The following CAMK1D variants were observed in gnomAD, a reference collection of about 807,000 sequenced individuals.
CAMK1D encodes the protein calcium/calmodulin dependent protein kinase ID.
A neutral mutation model predicts 47.7 loss-of-function variants in CAMK1D; 9 were observed. The ratio of observed to expected loss-of-function variants is 0.19; its 90% CI spans 0.11 to 0.33. The LOEUF (loss-of-function observed/expected upper bound fraction) is 0.33. Ranked by LOEUF, CAMK1D falls within the 10% of genes least tolerant of loss-of-function variation. The probability of loss-of-function intolerance (pLI) is 1.00; values close to 1 mark genes in which losing one functional copy is unlikely to be tolerated. For missense variants in CAMK1D, 291 were observed against 488.7 expected (o/e 0.60, Z 3.81); for synonymous variants, 184 against 184.9 (o/e 0.99, Z 0.04).
intron 1 of CAMK1D, among the ~76,000 whole-genome samples, chr10:12,543,248 C>T (rs1465968459): frequency 6.6e-6 from 1 of 152,030 alleles, no homozygotes; most frequent in Non-Finnish European, 1.5e-5. Flanking sequence ...CGGGTTTATG[C>T]ATGGTGGCCA....
intron 1 of CAMK1D, among the ~76,000 whole-genome samples, chr10:12,358,720 G>C (rs1211521237): frequency 6.6e-6 from 1 of 152,138 alleles, no homozygotes; most frequent in Non-Finnish European, 1.5e-5. Context: ...ATCTCTCTGA[G>C]TTTAAGAGGG....
chr10:12,491,651 G>A (rs553700721), intron 1 of CAMK1D, among the ~76,000 whole-genome samples: 48 of 152,102 alleles, frequency 3.2e-4, no homozygotes, highest in South Asian at 2.7e-3. Flanking sequence ...CAGTATCGCC[G>A]AGAGGATGAA....
chr10:12,688,685 TATTTTTTA>T (rs1348490200), intron 3 of CAMK1D, among the ~76,000 whole-genome samples: 1 of 152,176 alleles, frequency 6.6e-6, no homozygotes, highest in African/African-American at 2.4e-5. Flanking sequence ...TTTTATTTTT[TATTTTTTA>T]TTTTTTTTGT....
At chr10:12,405,473 G>A (rs778622274) in intron 1 of CAMK1D, among the ~76,000 whole-genome samples, 5 of 152,232 alleles carry the variant, frequency 3.3e-5, no homozygotes, top group African/African-American at 4.8e-5. Context: ...AGAAAACTCC[G>A]CTGTTTGCTT....
intron 1 of CAMK1D, among the ~76,000 whole-genome samples, chr10:12,439,119 G>A (rs1221105284): frequency 6.6e-6 from 1 of 152,186 alleles, no homozygotes; most frequent in Non-Finnish European, 1.5e-5. Flanking sequence ...GTCTACCAGG[G>A]CCTATTATCC....
chr10:12,694,075 A>T (rs191740959), intron 3 of CAMK1D, among the ~76,000 whole-genome samples: 2,084 of 30,844 alleles, frequency 0.068, 123 homozygotes, highest in Non-Finnish European at 0.091. Context: ...ATATATAAAA[A>T]ATATTATGTA....
At position 12,702,827 on chromosome 10, in the gene CAMK1D, C is replaced by T. The variant is rs139039949; in HGVS notation, c.299+36017C>T. Among the ~76,000 whole-genome samples the T allele has an allele frequency of 7.7e-4, 117 of 152,336 alleles. 1 individual carries two copies. The East Asian group carries it at 0.011, about 15-fold the overall frequency. Reference sequence around the variant, plus strand: ...AGGGGCACATTGTCCCATTTTGGTACTTCCTGAAGATTCCACAGTGTGCTT... The same window carrying T: ...AGGGGCACATTGTCCCATTTTGGTATTTCCTGAAGATTCCACAGTGTGCTT... On this transcript the variant is annotated intron_variant, in intron 3 of 10. Coordinates refer to ENST00000619168, the MANE Select transcript of CAMK1D (RefSeq NM_153498.4).
chr10:12,772,219 G>A lies in CAMK1D; in HGVS notation c.565+2420G>A, dbSNP rs78445191. 2.4e-4 allele frequency among the ~76,000 whole-genome samples: 36 copies of A among 152,162 alleles called. No individual in the cohort carries two copies. In the East Asian group the frequency reaches 6.8e-3, roughly 29 times the overall value. On this transcript the variant is annotated intron_variant, in intron 5 of 10. Coordinates refer to ENST00000619168, the MANE Select transcript of CAMK1D (RefSeq NM_153498.4). ...TATATTCATGGAATTTCTCCAGCTC[G>A]ATCTGAGCCATCAGGGAAGCCGTGA... is the stretch of plus-strand genomic sequence containing the variant.
At chr10:12,697,590 G>C (rs1833347911) in intron 3 of CAMK1D, among the ~76,000 whole-genome samples, 1 of 152,130 alleles carries the variant, frequency 6.6e-6, no homozygotes, top group Non-Finnish European at 1.5e-5. Flanking sequence ...GTAGAGACAG[G>C]GTTTCACCAT....
intron 5 of CAMK1D, among the ~76,000 whole-genome samples, chr10:12,781,289 G>A (rs1321503916): frequency 3.9e-5 from 6 of 152,340 alleles, no homozygotes; most frequent in Admixed American, 6.5e-5. Context: ...CAGAGTAGGC[G>A]TCACGCCGTG....
chr10:12,562,475 C>G (rs2768352), intron 2 of CAMK1D, among the ~76,000 whole-genome samples: 45,706 of 152,044 alleles, frequency 0.3, 6,848 homozygotes, highest in Middle Eastern at 0.43. Context: ...AAATGCCTGT[C>G]TGATAGTCAC....
chr10:12,374,420 C>T (rs1051992125), intron 1 of CAMK1D, among the ~76,000 whole-genome samples: 4 of 152,104 alleles, frequency 2.6e-5, no homozygotes, highest in Non-Finnish European at 4.4e-5. Context: ...AACACGGTAC[C>T]GTGTCCTACA....
chr10:12,790,212 T>C (rs780979559), intron 5 of CAMK1D, among the ~76,000 whole-genome samples: 1 of 152,238 alleles, frequency 6.6e-6, no homozygotes, highest in African/African-American at 2.4e-5. Context: ...TGAATTGCAG[T>C]TTTTCTGTTT....
In CAMK1D at chr10:12,571,305, C is replaced by T. The variant is rs967018246; in HGVS notation, c.224+17949C>T. On this transcript the variant is annotated intron_variant, in intron 2 of 10. Coordinates refer to ENST00000619168, the MANE Select transcript of CAMK1D (RefSeq NM_153498.4). ...TATGAGGAAAATACAAAAAATCAGC[C>T]GGGCATGGTGGCGCGTGCCTGTAAT... Among the ~76,000 whole-genome samples the T allele has an allele frequency of 4.0e-5, 6 of 151,682 alleles. 1 individual carries two copies. The highest frequency in any genetic ancestry group is 3.4e-3 in the Middle Eastern group (1 of 294).
At chr10:12,676,570 C>T (rs776792760) in intron 3 of CAMK1D, among the ~76,000 whole-genome samples, 1 of 152,168 alleles carries the variant, frequency 6.6e-6, no homozygotes, top group Non-Finnish European at 1.5e-5. Flanking sequence ...TATCTCTTTA[C>T]TCATTTAGTC....
chr10:12,643,881 C>A (rs1265340987), intron 2 of CAMK1D, among the ~76,000 whole-genome samples: 6 of 137,738 alleles, frequency 4.4e-5, no homozygotes, highest in African/African-American at 1.7e-4. Context: ...GAGACTCTGA[C>A]TCAAAAAAAA....
intron 1 of CAMK1D, among the ~76,000 whole-genome samples, chr10:12,433,811 T>G (rs922018505): frequency 5.9e-5 from 9 of 152,220 alleles, no homozygotes; most frequent in African/African-American, 1.9e-4. Context: ...GGGCTGCAGT[T>G]TGCCAAACCC....
intron 1 of CAMK1D, among the ~76,000 whole-genome samples, chr10:12,438,163 G>A (rs758536147): frequency 9.2e-5 from 14 of 152,200 alleles, no homozygotes; most frequent in Non-Finnish European, 1.9e-4. Flanking sequence ...TTTGAAGCAC[G>A]TGCTCTTTTC....
intron 2 of CAMK1D, among the ~76,000 whole-genome samples, chr10:12,573,551 A>G (rs1169921126): frequency 1.3e-5 from 2 of 152,170 alleles, no homozygotes; most frequent in Non-Finnish European, 2.9e-5. Flanking sequence ...GGCTTCTAGA[A>G]CAATGGTTTT....
Sources: allele counts gnomAD v4.1 joint callset (sites outside exome capture counted in the v4.1 genomes callset), GRCh38; gene constraint gnomAD v4.1.1; transcripts MANE v1.5; gene names NCBI Gene and HGNC (gene_info 2026-07-23, HGNC 2026-07-21).